Variants in ZNF358 observed in about 807,000 individuals in gnomAD.
ZNF358 encodes zinc finger protein 358.
A neutral mutation model predicts 2.1 loss-of-function variants in ZNF358; 1 was observed. The observed-to-expected ratio is 0.49, with a 90% confidence interval of 0.17 to 2.30. The LOEUF is 2.30. Among genes scored for constraint, ZNF358 ranks in the 30% most tolerant of loss-of-function variants. The pLI is 0.26. For missense variants in ZNF358, 665 were observed against 806.8 expected (o/e 0.82, Z 2.13); for synonymous variants, 381 against 359.7 (o/e 1.06, Z -0.67).
intron 1 of ZNF358, among the ~76,000 whole-genome samples, chr19:7,517,148 G>T (rs926964076): frequency 1.3e-5 from 2 of 152,134 alleles, no homozygotes; most frequent in African/African-American, 2.4e-5. Context: ...GGAGCTCAAG[G>T]CATCCTCCCG....
chr19:7,518,557 GAGAA>G lies in ZNF358; in HGVS notation c.-38-607_-38-604del, dbSNP rs3029872. The stretch of plus-strand genomic sequence containing the variant: ...AAAGAAAGAAAGAAAGAGAGAGAGA[GAGAA>G]AGAAAGAAAGAAAGAAAGAAAGAAA... On this transcript the variant is annotated intron_variant, in intron 1 of 1. Transcript: ENST00000597229. Among the ~76,000 whole-genome samples, 168 of 116,170 alleles carry G rather than the reference GAGAA, an allele frequency of 1.4e-3. 1 individual carries two copies. The highest frequency in any genetic ancestry group is 3.8e-3 in the Middle Eastern group (1 of 262). 76.2% of individuals were successfully genotyped at this position (116,170 alleles called of 152,430 possible).
rs981479234 is a variant in ZNF358, at chr19:7,518,644, A to G, written c.-38-561A>G. 3.9e-5 allele frequency among the ~76,000 whole-genome samples: 6 copies of G among 152,104 alleles called. No individual in the cohort carries two copies. In the East Asian group the frequency reaches 5.8e-4, roughly 15 times the overall value. ...TGGTGGTGCATCTGTAATTCCAGCT[A>G]CTTGAGAGGCCGAGGTGGGAGGATC... On this transcript the variant is annotated intron_variant, in intron 1 of 1. Coordinates refer to ENST00000597229, the MANE Select transcript of ZNF358 (RefSeq NM_018083.5).
Position 7,516,216 on chromosome 19 carries a change from G to A in ZNF358, c.-72G>A, listed in dbSNP as rs1025077849. The A allele has an allele frequency of 1.4e-5, 2 of 139,366 alleles. No homozygotes were observed. Among genetic ancestry groups the A allele is most frequent in the Admixed American group, 7.0e-5 (1 of 14,212 alleles). The allele number at this position is 139,366 out of a possible 1,614,324, so 8.6% of individuals were successfully genotyped here. ...CGGGGGGAGCCGGCGGCCGGCGCGG[G>A]CGCGGCGGGCCGGGCAGGGGCGAGG... On this transcript the variant is annotated 5_prime_UTR_variant, in exon 1 of 2. Coordinates refer to ENST00000597229, the MANE Select transcript of ZNF358 (RefSeq NM_018083.5). The surrounding 1 kb of genome is among the most constrained non-coding windows in gnomAD (Gnocchi z 5.9).
chr19:7,519,151 C>T (rs1215353833), intron 1 of ZNF358, 54 bp from the exon 2 acceptor site: 30 of 1,514,918 alleles, frequency 2.0e-5, no homozygotes, highest in East Asian at 4.5e-5. Flanking sequence ...CCAAAAGACA[C>T]CCCCGCTCCC....
In ZNF358 at chr19:7,520,213, G is replaced by A; in HGVS notation, c.971G>A (p.Cys324Tyr). The A allele has an allele frequency of 6.2e-7, 1 of 1,605,664 alleles. No individual in the cohort carries two copies. The highest frequency in any genetic ancestry group is 8.5e-7 in the Non-Finnish European group (1 of 1,179,482). Residue 324 changes from cysteine (C) to tyrosine (Y), a missense_variant, in exon 2 of 2, where the codon TGC (cysteine) becomes TAC (tyrosine). Cys to Tyr is a radical substitution (Grantham distance 194). Around this residue, in one of 3 missense-constraint regions of ZNF358, gnomAD observed 210 missense variants for 350.8 expected, o/e 0.60. Coordinates refer to ENST00000597229, the MANE Select transcript of ZNF358 (RefSeq NM_018083.5). This position sits in a 1 kb window ranked among gnomAD's most constrained non-coding sequence, Gnocchi z 6.0. The part of the protein sequence containing the change: ...TAERPYRCPH[C>Y]GKAFGQSSNL... The stretch of plus-strand genomic sequence containing the variant: ...GAGCGCCCCTACCGCTGCCCCCACT[G>A]CGGCAAAGCCTTCGGGCAGAGCTCC...
At position 7,519,713 on chromosome 19, in the gene ZNF358, G is replaced by T; in HGVS notation, c.471G>T (p.Gly157=). Residue 157 remains glycine, a synonymous_variant, in exon 2 of 2, where the codon GGG becomes GGT. Transcript: ENST00000597229. Reference sequence around the variant, plus strand: ...GGCCCTTCTCCTGCCCGGATTGCGGGCGAGCCTTCCGCCGCAGCTCCGGGC... The same window carrying T: ...GGCCCTTCTCCTGCCCGGATTGCGGTCGAGCCTTCCGCCGCAGCTCCGGGC... ...PPRPFSCPDC[G]RAFRRSSGLS... 1 of 1,578,912 alleles carries T rather than the reference G, an allele frequency of 6.3e-7. No individual in the cohort carries two copies. Among genetic ancestry groups the T allele is most frequent in the Non-Finnish European group, 8.5e-7 (1 of 1,170,064 alleles).
chr19:7,516,104 C>G lies in ZNF358; in HGVS notation c.-184C>G, dbSNP rs2022333202. The G allele has an allele frequency of 1.4e-5, 2 of 144,436 alleles. No individual in the cohort carries two copies. The highest frequency in any genetic ancestry group is 5.0e-5 in the African/African-American group (2 of 39,934). 8.9% of individuals were successfully genotyped at this position (144,436 alleles called of 1,614,324 possible). A position where few individuals can be genotyped will look rare whatever the true frequency, so the allele number is the denominator to read the frequency against. On this transcript the variant is annotated 5_prime_UTR_variant, in exon 1 of 2. Transcript: ENST00000597229. The surrounding 1 kb of genome is among the most constrained non-coding windows in gnomAD (Gnocchi z 5.9). Reference sequence around the variant, plus strand: ...CTCCCGCTGCGGCCCTCGGCCGGCCCCTCTCGCTCCCCGGGAGCGCCTGGC... The same window carrying G: ...CTCCCGCTGCGGCCCTCGGCCGGCCGCTCTCGCTCCCCGGGAGCGCCTGGC...
At chr19:7,518,557 G>GAGAGAGAGAAAGAAAGAAAGAA (rs556101041) in intron 1 of ZNF358, among the ~76,000 whole-genome samples, 8 of 116,066 alleles carry the variant, frequency 6.9e-5, no homozygotes, top group East Asian at 2.6e-4. Context: ...GAGAGAGAGA[G>GAGAGAGAGAAAGAAAGAAAGAA]AGAAAGAAAG....
intron 1 of ZNF358, among the ~76,000 whole-genome samples, chr19:7,518,672 T>C (rs762827712): frequency 8.7e-4 from 133 of 152,216 alleles, no homozygotes; most frequent in Admixed American, 3.0e-3. Context: ...GGAGGATCGC[T>C]TGAGCCCGGG....
In ZNF358 at chr19:7,520,567, C is replaced by A; in HGVS notation, c.1325C>A (p.Ala442Asp). The stretch of plus-strand genomic sequence containing the variant: ...CAGGTCTCCCTCCTGGGTCCTGATG[C>A]TGTTTCTGTGCTCGGCTCTGGCTTG... ...PGQVSLLGPD[A>D]VSVLGSGLGL... is the part of the protein sequence containing the mutation. Residue 442 changes from alanine (A) to aspartate (D), a missense_variant, in exon 2 of 2, where the codon GCT becomes GAT. Physicochemically the swap from Ala to Asp is moderately radical, Grantham distance 126. Coordinates refer to ENST00000597229, the MANE Select transcript of ZNF358 (RefSeq NM_018083.5). This position sits in a 1 kb window ranked among gnomAD's most constrained non-coding sequence, Gnocchi z 6.0. The A allele has an allele frequency of 7.8e-7, 1 of 1,285,198 alleles. No individual in the cohort carries two copies. The allele number at this position is 1,285,198 out of a possible 1,614,324, so 79.6% of individuals were successfully genotyped here.
chr19:7,519,985 C>T lies in ZNF358; in HGVS notation c.743C>T (p.Ser248Leu), dbSNP rs868318080. The change falls in exon 2 of 2, where the codon TCG becomes TTG. Residue 248 changes from serine to leucine, a missense_variant. Ser to Leu is a moderately radical substitution (Grantham distance 145, BLOSUM62 -2). This residue lies in a region of ZNF358 where 210 missense variants were observed against 350.8 expected (regional missense o/e 0.60). Transcript: ENST00000597229. ...PVCGKAFGHG[S>L]LLAQHLRTHG... ...TGTGGCAAGGCCTTCGGGCACGGCT[C>T]GCTCCTGGCACAGCACCTGCGCACG... 6.6e-7 allele frequency: 1 copy of T among 1,519,310 alleles called. No individual in the cohort carries two copies. Among genetic ancestry groups the T allele is most frequent in the Non-Finnish European group, 8.8e-7 (1 of 1,138,796 alleles). 94.1% of individuals were successfully genotyped at this position (1,519,310 alleles called of 1,614,324 possible). A position where few individuals can be genotyped will look rare whatever the true frequency, so the allele number is the denominator to read the frequency against.
upstream of ZNF358, among the ~76,000 whole-genome samples, chr19:7,514,171 G>T (rs188313939): frequency 6.6e-6 from 1 of 152,210 alleles, no homozygotes; most frequent in African/African-American, 2.4e-5. Flanking sequence ...AACCCCAGAA[G>T]TAGAGTGAGA....
At position 7,519,692 on chromosome 19, in the gene ZNF358, C is replaced by T. The variant is rs769987696; in HGVS notation, c.450C>T (p.Pro150=). The change falls in exon 2 of 2, where the codon CCC becomes CCT. Residue 150 remains proline (P), a synonymous_variant. Coordinates refer to ENST00000597229, the MANE Select transcript of ZNF358 (RefSeq NM_018083.5). ...VLPAPASPPR[P]FSCPDCGRAF... ...CCGCCCCCGCCAGCCCGCCCCGGCC[C>T]TTCTCCTGCCCGGATTGCGGGCGAG... 24 of 1,587,446 alleles carry T rather than the reference C, an allele frequency of 1.5e-5. No homozygotes were observed. The highest frequency in any genetic ancestry group is 5.1e-5 in the Admixed American group (3 of 58,854).
In ZNF358 at chr19:7,519,989, C is replaced by T. The variant is rs904592060; in HGVS notation, c.747C>T (p.Leu249=). 2.0e-6 allele frequency: 3 copies of T among 1,519,778 alleles called. No individual in the cohort carries two copies. In the Admixed American group the frequency reaches 6.1e-5, roughly 31 times the overall value. The allele number at this position is 1,519,778 out of a possible 1,614,324, so 94.1% of individuals were successfully genotyped here. Residue 249 remains leucine, a synonymous_variant, in exon 2 of 2, where the codon CTC becomes CTT. Coordinates refer to ENST00000597229, the MANE Select transcript of ZNF358 (RefSeq NM_018083.5). ...GCAAGGCCTTCGGGCACGGCTCGCT[C>T]CTGGCACAGCACCTGCGCACGCACG... ...VCGKAFGHGS[L]LAQHLRTHGG... is the part of the protein sequence containing the mutation.
rs2022459849 is a variant in ZNF358 at position 7,520,557 on chromosome 19, G to A, written c.1315G>A (p.Gly439Ser). The A allele has an allele frequency of 1.6e-6, 2 of 1,271,520 alleles. No homozygotes were observed. The highest frequency in any genetic ancestry group is 2.2e-6 in the Non-Finnish European group (2 of 891,994). 78.8% of individuals were successfully genotyped at this position (1,271,520 alleles called of 1,614,324 possible). A position where few individuals can be genotyped will look rare whatever the true frequency, so the allele number is the denominator to read the frequency against. ...MMRPGQVSLL[G>S]PDAVSVLGSG... Reference sequence around the variant, plus strand: ...GAGGCCGGGGCAGGTCTCCCTCCTGGGTCCTGATGCTGTTTCTGTGCTCGG... The same window carrying A: ...GAGGCCGGGGCAGGTCTCCCTCCTGAGTCCTGATGCTGTTTCTGTGCTCGG... The change falls in exon 2 of 2, where the codon GGT (glycine) becomes AGT (serine). Residue 439 changes from glycine to serine, a missense_variant. Gly to Ser is a moderately conservative substitution (Grantham distance 56). This residue lies in a region of ZNF358 where 249 missense variants were observed against 227.6 expected (regional missense o/e 1.09). Coordinates refer to ENST00000597229, the MANE Select transcript of ZNF358 (RefSeq NM_018083.5). The surrounding 1 kb of genome is among the most constrained non-coding windows in gnomAD (Gnocchi z 6.0).
At position 7,520,268 on chromosome 19, in the gene ZNF358, G is replaced by T. The variant is rs1186801173; in HGVS notation, c.1026G>T (p.Thr342=). ...TGCAACACCACCTGCGCATCCACAC[G>T]GGCGAGCGGCCCTACGCCTGCCCGC... ...SNLQHHLRIH[T]GERPYACPHC... The change falls in exon 2 of 2, where the codon ACG becomes ACT. Residue 342 remains threonine, a synonymous_variant. Transcript: ENST00000597229. This position sits in a 1 kb window ranked among gnomAD's most constrained non-coding sequence, Gnocchi z 6.0. 6.2e-7 allele frequency: 1 copy of T among 1,609,218 alleles called. No individual in the cohort carries two copies. Among genetic ancestry groups the T allele is most frequent in the Non-Finnish European group, 8.5e-7 (1 of 1,179,528 alleles).
At chr19:7,515,501 G>GA (rs1422551511), upstream of ZNF358, 1 of 152,252 alleles carries the variant, frequency 6.6e-6, no homozygotes, top group East Asian at 1.9e-4. Flanking sequence ...ATGCAAAAAG[G>GA]AAAAATTGGA....
upstream of ZNF358, among the ~76,000 whole-genome samples, chr19:7,514,728 G>A (rs2022313181): frequency 6.6e-6 from 1 of 152,200 alleles, no homozygotes; most frequent in South Asian, 2.1e-4. Context: ...CACCTCCTGG[G>A]TTCAAGCAAT....
intron 1 of ZNF358, 143 bp from the exon 2 acceptor site, chr19:7,519,062 C>T: frequency 4.8e-6 from 4 of 828,984 alleles, no homozygotes; most frequent in Non-Finnish European, 6.5e-6. Context: ...GAGACCCCAT[C>T]TCAAAAAAAA....
Sources: gnomAD v4.1 joint callset for allele counts (sites outside exome capture counted in the v4.1 genomes callset) on GRCh38, gnomAD v4.1.1 for gene constraint, gnomAD v4.1.1 regional missense constraint, Gnocchi (gnomAD v3.1) non-coding constraint, MANE v1.5 for transcripts, NCBI Gene and HGNC (gene_info 2026-07-23, HGNC 2026-07-21) for gene names.